The following TSHZ2 variants were observed in gnomAD, a reference collection of about 807,000 sequenced individuals.
The protein encoded by TSHZ2 is teashirt zinc finger homeobox 2.
Under a neutral mutation model 74.4 loss-of-function variants are expected in TSHZ2, and 21 were observed. That is an observed-to-expected ratio of 0.28 (90% confidence interval 0.20 to 0.41). The LOEUF (loss-of-function observed/expected upper bound fraction) is 0.41. TSHZ2 is among the 10% of genes least tolerant of loss of function. TSHZ2 has a pLI of 1.00. For synonymous variants in TSHZ2, 540 were observed against 515.3 expected, an observed-to-expected ratio of 1.05 and a Z score of -0.65; for missense variants, 1,244 against 1,293.5, an observed-to-expected ratio of 0.96 and a Z score of 0.59.
chr20:53,167,924 G>A (rs566176716), intron 1 of TSHZ2, among the ~76,000 whole-genome samples: 8 of 152,294 alleles, frequency 5.3e-5, no homozygotes, highest in African/African-American at 1.4e-4. Flanking sequence ...ATGCCCAGGT[G>A]ACAAAAAGTC....
intron 2 of TSHZ2, among the ~76,000 whole-genome samples, chr20:53,431,243 G>A (rs962094222): frequency 6.6e-6 from 1 of 151,944 alleles, no homozygotes; most frequent in Non-Finnish European, 1.5e-5. Flanking sequence ...GATCACTTGA[G>A]GTCAGGAGTC....
At chr20:53,077,279 C>T (rs112760201) in intron 1 of TSHZ2, among the ~76,000 whole-genome samples, 1,603 of 151,768 alleles carry the variant, frequency 0.011, 24 homozygotes, top group South Asian at 0.026. Flanking sequence ...AGCATGGTGG[C>T]GTGTGCGTGT....
Position 53,489,022 on chromosome 20 carries a change from G to C in TSHZ2, c.*1887G>C, listed in dbSNP as rs900004840. 1 of 456,206 alleles carries C rather than the reference G, an allele frequency of 2.2e-6. No individual in the cohort carries two copies. The allele number at this position is 456,206 out of a possible 1,614,324, so 28.3% of individuals were successfully genotyped here. On this transcript the variant is annotated 3_prime_UTR_variant, in exon 3 of 3. Transcript: ENST00000371497. ...ATTCTGAAGTAATGAGGCATGGACA[G>C]AAAATATACCCCTCACATCATCGGA...
intron 1 of TSHZ2, among the ~76,000 whole-genome samples, chr20:53,233,223 A>G (rs1989868639): frequency 6.6e-6 from 1 of 152,262 alleles, no homozygotes; most frequent in Non-Finnish European, 1.5e-5. Flanking sequence ...AGTGAATGCT[A>G]TGCTGCAGGC....
chr20:53,231,892 T>C (rs1164289495), intron 1 of TSHZ2, among the ~76,000 whole-genome samples: 1 of 148,990 alleles, frequency 6.7e-6, no homozygotes, highest in African/African-American at 2.6e-5. Flanking sequence ...CAAAACAATA[T>C]TTTTTTTTCT....
chr20:53,299,495 C>A (rs1991438927), intron 2 of TSHZ2, among the ~76,000 whole-genome samples: 1 of 152,162 alleles, frequency 6.6e-6, no homozygotes, highest in East Asian at 1.9e-4. Context: ...TATAACTGCT[C>A]TCTTTACTTA....
intron 2 of TSHZ2, among the ~76,000 whole-genome samples, chr20:53,311,806 G>A (rs1297414071): frequency 1.3e-5 from 2 of 152,196 alleles, no homozygotes; most frequent in Non-Finnish European, 2.9e-5. Context: ...CTGTAGTCAG[G>A]CATGGTGGCT....
Position 53,001,232 on chromosome 20 carries a change from G to GTA in TSHZ2, c.40+27900_40+27901insAT, listed in dbSNP as rs769421283. 8.8e-4 allele frequency among the ~76,000 whole-genome samples: 119 copies of GTA among 135,380 alleles called. No homozygotes were observed. The East Asian group carries it at 0.015, about 17-fold the overall frequency. The allele number at this position is 135,380 out of a possible 152,430, so 88.8% of individuals were successfully genotyped here. ...TGTGTGTGTGTGTGTGTGTGTGTGT[G>GTA]TGTGTGTGTGTGTGTGTGTGTGTTT... is the stretch of plus-strand genomic sequence containing the variant. On this transcript the variant is annotated intron_variant, in intron 1 of 2. Coordinates refer to ENST00000371497, the MANE Select transcript of TSHZ2 (RefSeq NM_173485.6).
At chr20:53,101,619 A>G (rs960651651) in intron 1 of TSHZ2, among the ~76,000 whole-genome samples, 1 of 152,248 alleles carries the variant, frequency 6.6e-6, no homozygotes, top group African/African-American at 2.4e-5. Flanking sequence ...GTTCTCTAGC[A>G]CATCTCAATT....
At chr20:53,267,846 C>G (rs1440080586) in intron 2 of TSHZ2, among the ~76,000 whole-genome samples, 2 of 152,218 alleles carry the variant, frequency 1.3e-5, no homozygotes, top group Admixed American at 1.3e-4. Context: ...ATTCTTGCAA[C>G]AACTTTTTGA....
chr20:53,098,709 C>T (rs768597211), intron 1 of TSHZ2, among the ~76,000 whole-genome samples: 2 of 152,228 alleles, frequency 1.3e-5, no homozygotes, highest in Non-Finnish European at 2.9e-5. Context: ...CACATCTCCA[C>T]AGCATTCAAT....
chr20:53,175,674 G>A (rs1332687586), intron 1 of TSHZ2, among the ~76,000 whole-genome samples: 1 of 152,240 alleles, frequency 6.6e-6, no homozygotes, highest in Non-Finnish European at 1.5e-5. Context: ...GGGTAGGGCA[G>A]ATAGTGGCTG....
intron 2 of TSHZ2, among the ~76,000 whole-genome samples, chr20:53,257,886 T>C (rs1358342369): frequency 6.6e-6 from 1 of 152,164 alleles, no homozygotes; most frequent in Non-Finnish European, 1.5e-5. Flanking sequence ...GGTTTACAAA[T>C]AGAAGACTTT....
chr20:53,433,584 G>GACACACACACACACACAC (rs59162370), intron 2 of TSHZ2, among the ~76,000 whole-genome samples: 75 of 137,094 alleles, frequency 5.5e-4, no homozygotes, highest in East Asian at 2.1e-3. Flanking sequence ...CAGACACACA[G>GACACACACACACACACAC]ACACACACAC....
chr20:53,127,671 AC>A (rs1986985858), intron 1 of TSHZ2, among the ~76,000 whole-genome samples: 1 of 152,194 alleles, frequency 6.6e-6, no homozygotes. Context: ...ACAGCGACCC[AC>A]ATGTCAGGCA....
intron 2 of TSHZ2, among the ~76,000 whole-genome samples, chr20:53,338,182 A>G (rs1178926773): frequency 6.6e-6 from 1 of 152,200 alleles, no homozygotes; most frequent in Admixed American, 6.5e-5. Flanking sequence ...CCACCTCATA[A>G]TTTATCTGAG....
intron 2 of TSHZ2, among the ~76,000 whole-genome samples, chr20:53,382,662 C>A (rs78698579): frequency 1.3e-5 from 2 of 152,206 alleles, no homozygotes; most frequent in African/African-American, 2.4e-5. Flanking sequence ...TGGCTCCCCC[C>A]GGGCCACAGT....
chr20:53,049,553 G>T (rs1171638701), intron 1 of TSHZ2, among the ~76,000 whole-genome samples: 1 of 152,150 alleles, frequency 6.6e-6, no homozygotes, highest in African/African-American at 2.4e-5. Context: ...ATGTTTTACT[G>T]TCTTCACCAT....
intron 1 of TSHZ2, among the ~76,000 whole-genome samples, chr20:53,052,366 C>A (rs112708291): frequency 5.8e-4 from 89 of 152,262 alleles, no homozygotes; most frequent in Non-Finnish European, 1.2e-3. Context: ...CCAGCAAGTG[C>A]GGCATTAGAT....
Sources: allele counts gnomAD v4.1 joint callset (sites outside exome capture counted in the v4.1 genomes callset), GRCh38; gene constraint gnomAD v4.1.1; transcripts MANE v1.5; gene names NCBI Gene and HGNC (gene_info 2026-07-23, HGNC 2026-07-21).